The following NF2 variants were observed in gnomAD, a reference collection of about 807,000 sequenced individuals.
NF2 encodes merlin.
In NF2, 8 loss-of-function variants were observed where a neutral mutation model predicts 83.7. The observed-to-expected ratio is 0.10, with a 90% confidence interval of 0.06 to 0.17. The LOEUF (loss-of-function observed/expected upper bound fraction) is 0.17, where lower values mean the gene tolerates loss of function less well. Among genes scored for constraint, NF2 ranks in the 10% least tolerant of loss-of-function variants. The pLI is 1.00. For missense variants in NF2, 533 were observed against 744.4 expected (o/e 0.72, Z 3.31); for synonymous variants, 266 against 269.6 (o/e 0.99, Z 0.13).
chr22:29,658,410 T>C, intron 7 of NF2, 146 bp downstream of exon 7: 1 of 781,542 alleles, frequency 1.3e-6, no homozygotes, highest in Non-Finnish European at 2.2e-6. Context: ...GAAAGAGAGG[T>C]CTTAGTGCCT....
chr22:29,605,385 G>C (rs1465978256), intron 1 of NF2, among the ~76,000 whole-genome samples: 1 of 152,066 alleles, frequency 6.6e-6, no homozygotes, highest in African/African-American at 2.4e-5. Context: ...GGCTGATCTC[G>C]AACTCCTGAC....
chr22:29,630,928 C>A lies in NF2; in HGVS notation c.115-5823C>A, dbSNP rs533529588. Among the ~76,000 whole-genome samples the A allele has an allele frequency of 1.9e-4, 29 of 152,192 alleles. No homozygotes were observed. In the South Asian group the frequency reaches 5.8e-3, roughly 30 times the overall value. ...ACGAGTGCAGGGCCTGAAAGCGTTA[C>A]GTGCCATCAGTTATCCAAAAAGAAC... On this transcript the variant is annotated intron_variant, in intron 1 of 15. Transcript: ENST00000338641.
At chr22:29,651,611 C>G (rs1569291362) in intron 4 of NF2, among the ~76,000 whole-genome samples, 1 of 152,118 alleles carries the variant, frequency 6.6e-6, no homozygotes, top group Admixed American at 6.6e-5. Flanking sequence ...TTTTTCTTCC[C>G]TTGTTGTTTA....
chr22:29,620,811 C>G (rs2065200630), intron 1 of NF2, among the ~76,000 whole-genome samples: 1 of 152,118 alleles, frequency 6.6e-6, no homozygotes. Flanking sequence ...CCTCCTGCCT[C>G]AGCCTCCCAA....
intron 1 of NF2, among the ~76,000 whole-genome samples, chr22:29,622,584 G>A (rs868552504): frequency 6.5e-5 from 9 of 139,534 alleles, no homozygotes; most frequent in African/African-American, 2.4e-4. Context: ...AGACGACATT[G>A]TTTCTTTGAC....
intron 15 of NF2, chr22:29,683,660 T>C: frequency 9.3e-7 from 1 of 1,080,248 alleles, no homozygotes; most frequent in Non-Finnish European, 1.1e-6. Context: ...CCACGGGGAG[T>C]GGACTGTCTG....
chr22:29,646,300 A>G (rs1333161124), intron 4 of NF2, among the ~76,000 whole-genome samples: 1 of 152,256 alleles, frequency 6.6e-6, no homozygotes, highest in Non-Finnish European at 1.5e-5. Context: ...CAGGCCAAAT[A>G]GAATGAGTGG....
chr22:29,648,753 C>T (rs567550380), intron 4 of NF2, among the ~76,000 whole-genome samples: 2 of 152,268 alleles, frequency 1.3e-5, no homozygotes. Flanking sequence ...GTATGCCCTG[C>T]TAATTTTTGT....
At chr22:29,665,428 G>A (rs745903033) in intron 9 of NF2, among the ~76,000 whole-genome samples, 33 of 152,152 alleles carry the variant, frequency 2.2e-4, no homozygotes, top group Non-Finnish European at 4.1e-4. Flanking sequence ...ATTTTCAGTA[G>A]AGACGGGGTT....
At chr22:29,667,814 A>T (rs1731613810) in intron 9 of NF2, among the ~76,000 whole-genome samples, 2 of 152,114 alleles carry the variant, frequency 1.3e-5, no homozygotes, top group Non-Finnish European at 2.9e-5. Context: ...TTTGTGTCTT[A>T]CTTGGCATCT....
rs1396869161 is a variant in NF2, at chr22:29,613,283, A to G, written c.114+9171A>G. ...CGTGGCTTATGCCTATAATCCCAACACTTTGGGAGGCCAAGGCAGGCAGAT... is the reference window on the plus strand; with the variant it reads ...CGTGGCTTATGCCTATAATCCCAACGCTTTGGGAGGCCAAGGCAGGCAGAT... On this transcript the variant is annotated intron_variant, in intron 1 of 15. Coordinates refer to ENST00000338641, the MANE Select transcript of NF2 (RefSeq NM_000268.4). Among the ~76,000 whole-genome samples, 3 of 152,146 alleles carry G rather than the reference A, an allele frequency of 2.0e-5. No individual in the cohort carries two copies. In the East Asian group the frequency reaches 5.8e-4, roughly 30 times the overall value.
chr22:29,642,464 TTGTGTGTGTATGTGTG>T (rs958281787), intron 4 of NF2, among the ~76,000 whole-genome samples, 179 bp downstream of exon 4: 4 of 151,962 alleles, frequency 2.6e-5, no homozygotes, highest in African/African-American at 7.3e-5. Context: ...TTGTATAATC[TTGTGTGTGTATGTGTG>T]TGTGTGTGTA....
chr22:29,654,414 G>A (rs555278771), intron 4 of NF2, among the ~76,000 whole-genome samples: 17 of 152,292 alleles, frequency 1.1e-4, no homozygotes, highest in Admixed American at 8.5e-4. Context: ...CCATACAAGT[G>A]TCACATTCTT....
chr22:29,634,933 T>C (rs2065608500), intron 1 of NF2, among the ~76,000 whole-genome samples: 1 of 152,146 alleles, frequency 6.6e-6, no homozygotes, highest in African/African-American at 2.4e-5. Flanking sequence ...TTTATTCTTC[T>C]CAAAATAATC....
chr22:29,609,481 C>G (rs1474596460), intron 1 of NF2: 1 of 304,252 alleles, frequency 3.3e-6, no homozygotes, highest in East Asian at 7.3e-5. Flanking sequence ...AGAAGCTGCT[C>G]AGAAAGATTC....
rs1212599905 is a variant in NF2 at position 29,686,249 on chromosome 22, C to A, written c.1737+4648C>A. On this transcript the variant is annotated intron_variant, in intron 15 of 15. Transcript: ENST00000338641. ...TCCTGCAGCAAAGGGCGAAGGACGG[C>A]ATGTGGGCCACACCGCCACATCTAG... 2.0e-5 allele frequency among the ~76,000 whole-genome samples: 3 copies of A among 152,250 alleles called. No homozygotes were observed. The East Asian group carries it at 5.8e-4, about 29-fold the overall frequency.
chr22:29,694,639 C>A lies in NF2; in HGVS notation c.1738-113C>A. The A allele has an allele frequency of 9.5e-7, 1 of 1,055,004 alleles. No homozygotes were observed. The highest frequency in any genetic ancestry group is 2.6e-5 in the East Asian group (1 of 39,010). The allele number at this position is 1,055,004 out of a possible 1,614,324, so 65.4% of individuals were successfully genotyped here. Reference sequence around the variant, plus strand: ...ACTTCTTGAGCATCTATTTGAACAGCCTTCCCTTTCGCTCCCAGCCACCTT... The same window carrying A: ...ACTTCTTGAGCATCTATTTGAACAGACTTCCCTTTCGCTCCCAGCCACCTT... On this transcript the variant is annotated intron_variant, in intron 15 of 15. Transcript: ENST00000338641. This position sits in a 1 kb window ranked among gnomAD's most constrained non-coding sequence, Gnocchi z 4.1.
chr22:29,656,611 A>G (rs1379113002), intron 6 of NF2, among the ~76,000 whole-genome samples: 1 of 151,784 alleles, frequency 6.6e-6, no homozygotes, highest in Non-Finnish European at 1.5e-5. Flanking sequence ...ATGGGGTTTC[A>G]CTGTGTTAGC....
intron 8 of NF2, 92 bp from the exon 9 acceptor site, chr22:29,664,898 T>C: frequency 1.1e-6 from 1 of 873,078 alleles, no homozygotes; most frequent in Non-Finnish European, 1.9e-6. Flanking sequence ...TGCTGGTCTG[T>C]GGCCAGTGTG....
Sources: allele counts gnomAD v4.1 joint callset (sites outside exome capture counted in the v4.1 genomes callset), GRCh38; gene constraint gnomAD v4.1.1; non-coding constraint Gnocchi (gnomAD v3.1); transcripts MANE v1.5; gene names NCBI Gene and HGNC (gene_info 2026-07-23, HGNC 2026-07-21).